Variants in ARMC3 observed in about 807,000 individuals in gnomAD.
ARMC3 encodes the protein armadillo repeat-containing protein 3.
ARMC3 carries 74 observed loss-of-function variants against 90.3 expected under a neutral mutation model. The observed-to-expected ratio is 0.82, with a 90% CI of 0.68 to 0.99. The LOEUF is 0.99. Among genes scored for constraint, ARMC3 ranks in the 50% least tolerant of loss-of-function variants. The probability of loss-of-function intolerance (pLI) is 0.00; values close to 1 mark genes in which losing one functional copy is unlikely to be tolerated. For synonymous variants in ARMC3, 334 were observed against 361.8 expected (o/e 0.92, Z 0.87); for missense variants, 958 against 1,042.8 (o/e 0.92, Z 1.12).
intron 10 of ARMC3, among the ~76,000 whole-genome samples, chr10:22,991,983 T>G (rs1298354989): frequency 6.6e-6 from 1 of 152,228 alleles, no homozygotes; most frequent in Non-Finnish European, 1.5e-5. Flanking sequence ...ATGAATATCC[T>G]AACTCCTTGA....
chr10:23,014,889 C>CA (rs779670823), intron 16 of ARMC3, among the ~76,000 whole-genome samples: 12,537 of 62,022 alleles, frequency 0.2, 818 homozygotes, highest in Non-Finnish European at 0.22. Flanking sequence ...ATAATCTGTA[C>CA]AAAAAAAAAA....
intron 2 of ARMC3, among the ~76,000 whole-genome samples, chr10:22,945,780 C>G (rs961264501): frequency 6.6e-6 from 1 of 152,194 alleles, no homozygotes; most frequent in African/African-American, 2.4e-5. Context: ...GACCTCTACT[C>G]CTTTCCTTGT....
Position 22,981,426 on chromosome 10 carries a change from G to A in ARMC3, c.1003G>A (p.Ala335Thr), listed in dbSNP as rs200377329. The change falls in exon 9 of 19, where the codon GCT becomes ACT. Residue 335 changes from alanine (A) to threonine (T), a missense_variant. By Grantham distance (58) the Ala-to-Thr change is moderately conservative. Transcript: ENST00000298032. ...LGSENDGTKI[A>T]ASQAISAMCE... ...TTCTGAAAATGATGGAACTAAAATT[G>A]CTGCTTCCCAAGCTATTTCAGCAAT... The A allele has an allele frequency of 3.5e-4, 558 of 1,614,066 alleles. 1 individual carries two copies. The highest frequency in any genetic ancestry group is 4.7e-4 in the South Asian group (43 of 91,062).
At chr10:23,028,394 C>G (rs1396307571) in intron 16 of ARMC3, among the ~76,000 whole-genome samples, 2 of 152,012 alleles carry the variant, frequency 1.3e-5, no homozygotes, top group African/African-American at 4.8e-5. Flanking sequence ...GATCTTACTT[C>G]TTGAAGCATT....
intron 2 of ARMC3, 48 bp from the exon 3 acceptor site, chr10:22,946,096 T>C: frequency 1.5e-6 from 2 of 1,333,308 alleles, no homozygotes; most frequent in Non-Finnish European, 2.1e-6. Context: ...TTTAATGTGA[T>C]TTTTAAAGCT....
intron 3 of ARMC3, among the ~76,000 whole-genome samples, chr10:22,951,189 G>T (rs533266809): frequency 6.6e-6 from 1 of 152,038 alleles, no homozygotes; most frequent in Non-Finnish European, 1.5e-5. Flanking sequence ...CACCTGTCTC[G>T]GCCTCCCAAA....
rs527933902 is a variant in ARMC3 at position 22,970,005 on chromosome 10, A to G, written c.916+1516A>G. ...GACCTACTTAAGTGATTTTGAGTGAACTATAACTTCTCCAGAACAATGTAT... is the reference window on the plus strand; with the variant it reads ...GACCTACTTAAGTGATTTTGAGTGAGCTATAACTTCTCCAGAACAATGTAT... On this transcript the variant is annotated intron_variant, in intron 8 of 18. Transcript: ENST00000298032. 6.6e-5 allele frequency among the ~76,000 whole-genome samples: 10 copies of G among 152,260 alleles called. No individual in the cohort carries two copies. The South Asian group carries it at 1.5e-3, about 22-fold the overall frequency.
At chr10:22,999,172 AACAT>A (rs1837165089) in intron 11 of ARMC3, among the ~76,000 whole-genome samples, 1 of 152,220 alleles carries the variant, frequency 6.6e-6, no homozygotes. Context: ...TTATTTTTAA[AACAT>A]ACAATTGCAT....
At chr10:22,982,485 A>G (rs1836238797) in intron 10 of ARMC3, among the ~76,000 whole-genome samples, 1 of 152,256 alleles carries the variant, frequency 6.6e-6, no homozygotes, top group Non-Finnish European at 1.5e-5. Flanking sequence ...TGTGTAATTT[A>G]TACTCATTTT....
At chr10:22,949,461 G>A (rs979842159) in intron 3 of ARMC3, among the ~76,000 whole-genome samples, 1 of 152,198 alleles carries the variant, frequency 6.6e-6, no homozygotes, top group Admixed American at 6.5e-5. Context: ...AAACTTCAAT[G>A]TCTGAAATGA....
intron 3 of ARMC3, among the ~76,000 whole-genome samples, chr10:22,953,440 T>C (rs1204415015): frequency 6.6e-6 from 1 of 152,164 alleles, no homozygotes; most frequent in Admixed American, 6.5e-5. Flanking sequence ...ATGATCATCT[T>C]AATACATGCA....
At chr10:22,932,951 C>T (rs147393980) in intron 2 of ARMC3, among the ~76,000 whole-genome samples, 87 of 152,316 alleles carry the variant, frequency 5.7e-4, no homozygotes, top group African/African-American at 2.0e-3. Flanking sequence ...AACTCGTTCC[C>T]GTTGTTGTAT....
chr10:22,996,234 T>G (rs151048268), intron 10 of ARMC3, among the ~76,000 whole-genome samples: 1 of 152,318 alleles, frequency 6.6e-6, no homozygotes, highest in East Asian at 1.9e-4. Flanking sequence ...AACTAATATA[T>G]TAGAACCTCC....
intron 2 of ARMC3, among the ~76,000 whole-genome samples, chr10:22,940,667 G>A (rs1371564122): frequency 6.6e-6 from 1 of 151,654 alleles, no homozygotes; most frequent in East Asian, 1.9e-4. Flanking sequence ...TTCACTTTTT[G>A]TAGAGACAGG....
At chr10:23,015,614 G>C (rs1190700885) in intron 16 of ARMC3, among the ~76,000 whole-genome samples, 2 of 152,096 alleles carry the variant, frequency 1.3e-5, no homozygotes, top group East Asian at 1.9e-4. Context: ...ATCATGTCTA[G>C]AGCCTTTTAG....
At chr10:23,004,817 A>C (rs1837497877) in intron 13 of ARMC3, among the ~76,000 whole-genome samples, 1 of 152,202 alleles carries the variant, frequency 6.6e-6, no homozygotes, top group African/African-American at 2.4e-5. Flanking sequence ...GCCGTACTCC[A>C]TAACACACAC....
chr10:23,008,841 G>T lies in ARMC3; in HGVS notation c.1955G>T (p.Gly652Val). Residue 652 changes from glycine (G) to valine (V), a missense_variant, in exon 16 of 19, where the codon GGA becomes GTA. By Grantham distance (109) the Gly-to-Val change is moderately radical. Transcript: ENST00000298032. ...NKKNSYHFSA[G>V]FGSPIEDKSE... is the part of the protein sequence containing the mutation. ...AAAAATAGTTATCATTTTAGTGCTG[G>T]ATTTGGATCTCCCATAGAAGACAAA... 6.2e-7 allele frequency: 1 copy of T among 1,613,114 alleles called. No homozygotes were observed. The highest frequency in any genetic ancestry group is 8.5e-7 in the Non-Finnish European group (1 of 1,179,530).
At chr10:22,949,459 A>G (rs1449244082) in intron 3 of ARMC3, among the ~76,000 whole-genome samples, 1 of 152,244 alleles carries the variant, frequency 6.6e-6, no homozygotes, top group African/African-American at 2.4e-5. Context: ...GAAAACTTCA[A>G]TGTCTGAAAT....
Position 23,030,701 on chromosome 10 carries a change from T to C in ARMC3, c.2151T>C (p.Pro717=), listed in dbSNP as rs370937756. The change falls in exon 17 of 19, where the codon CCT becomes CCC. Residue 717 remains proline, a synonymous_variant. Transcript: ENST00000298032. ...GEGSSDKEWC[P]PSDPDFSMYV... is the part of the protein sequence containing the mutation. ...GAAGCTCTGACAAAGAATGGTGTCC[T>C]CCCTCTGACCCTGATTTCTCTATGT... The C allele has an allele frequency of 4.8e-5, 77 of 1,613,800 alleles. No homozygotes were observed. Among genetic ancestry groups the C allele is most frequent in the Non-Finnish European group, 6.4e-5 (76 of 1,179,878 alleles).
Sources: allele counts gnomAD v4.1 joint callset (sites outside exome capture counted in the v4.1 genomes callset), GRCh38; gene constraint gnomAD v4.1.1; transcripts MANE v1.5; gene names NCBI Gene and HGNC (gene_info 2026-07-23, HGNC 2026-07-21).